The following DAB1 variants were observed in gnomAD, a reference collection of about 807,000 sequenced individuals.
DAB1 encodes the protein disabled homolog 1.
In DAB1, 15 loss-of-function variants were observed where a neutral mutation model predicts 64.6. The ratio of observed to expected loss-of-function variants is 0.23; its 90% CI spans 0.16 to 0.36. DAB1 has a LOEUF of 0.36. DAB1 is among the 10% of genes least tolerant of loss of function. The probability of loss-of-function intolerance (pLI) is 1.00; values close to 1 mark genes in which losing one functional copy is unlikely to be tolerated. For missense variants in DAB1, 596 were observed against 706.7 expected (o/e 0.84, Z 1.78); for synonymous variants, 235 against 251.9 (o/e 0.93, Z 0.64).
intron 3 of DAB1, among the ~76,000 whole-genome samples, chr1:58,424,369 C>G (rs1644801137): frequency 6.6e-6 from 1 of 152,176 alleles, no homozygotes; most frequent in African/African-American, 2.4e-5. Flanking sequence ...CATAAACACA[C>G]CCATAAACAC....
intron 4 of DAB1, among the ~76,000 whole-genome samples, chr1:58,161,020 T>C (rs1381037590): frequency 6.6e-6 from 1 of 152,150 alleles, no homozygotes; most frequent in Non-Finnish European, 1.5e-5. Flanking sequence ...TGATGCAACG[T>C]AAGGAATACA....
intron 2 of DAB1, among the ~76,000 whole-genome samples, chr1:57,228,001 T>A (rs1667400446): frequency 6.6e-6 from 1 of 152,190 alleles, no homozygotes; most frequent in Admixed American, 6.5e-5. Context: ...CCGTGTAACC[T>A]GAAATAGATG....
intron 6 of DAB1, among the ~76,000 whole-genome samples, chr1:57,801,129 T>C (rs757689689): frequency 6.6e-6 from 1 of 152,256 alleles, no homozygotes; most frequent in Non-Finnish European, 1.5e-5. Flanking sequence ...TTCTTATTTG[T>C]GTCTGAATAT....
At chr1:57,121,975 C>T (rs1470363394) in intron 4 of DAB1, among the ~76,000 whole-genome samples, 1 of 152,218 alleles carries the variant, frequency 6.6e-6, no homozygotes, top group East Asian at 1.9e-4. Flanking sequence ...ATTTTCATAG[C>T]CCCTCCGATA....
intron 1 of DAB1, among the ~76,000 whole-genome samples, chr1:57,338,912 T>C (rs1677320139): frequency 1.3e-5 from 2 of 152,154 alleles, no homozygotes; most frequent in Non-Finnish European, 2.9e-5. Context: ...GTGCTAAATA[T>C]TTAGAAGCTA....
intron 4 of DAB1, among the ~76,000 whole-genome samples, chr1:58,185,256 G>C (rs1657012002): frequency 6.6e-6 from 1 of 152,178 alleles, no homozygotes; most frequent in Non-Finnish European, 1.5e-5. Flanking sequence ...GGAGAAGGAT[G>C]GGTAAGATGT....
intron 5 of DAB1, among the ~76,000 whole-genome samples, chr1:58,142,243 C>T (rs1406563609): frequency 6.6e-6 from 1 of 152,174 alleles, no homozygotes; most frequent in Non-Finnish European, 1.5e-5. Flanking sequence ...CACTCGGCTG[C>T]CTTGGTCTCT....
intron 6 of DAB1, among the ~76,000 whole-genome samples, chr1:57,691,796 C>T (rs1570742123): frequency 6.6e-6 from 1 of 152,108 alleles, no homozygotes; most frequent in South Asian, 2.1e-4. Context: ...CACGAAGGAA[C>T]TATCACCAAG....
rs998927781 is a variant in DAB1, at chr1:57,385,706, G to A, written c.-137+38224C>T. Among the ~76,000 whole-genome samples the A allele has an allele frequency of 2.0e-5, 3 of 152,150 alleles. No homozygotes were observed. In the East Asian group the frequency reaches 5.8e-4, roughly 29 times the overall value. On this transcript the variant is annotated intron_variant, in intron 1 of 14. Transcript: ENST00000371236. ...ATATAGGCATTAAGGCAAGGATCTA[G>A]GGAGAAAGGGCCTAAAAACTTACTG...
intron 3 of DAB1, among the ~76,000 whole-genome samples, chr1:58,380,812 A>C (rs1644380593): frequency 1.3e-5 from 2 of 152,338 alleles, no homozygotes; most frequent in Admixed American, 1.3e-4. Context: ...AAATTAAAGG[A>C]GCAACTTACT....
intron 4 of DAB1, among the ~76,000 whole-genome samples, chr1:58,198,628 T>G (rs1657824140): frequency 6.6e-6 from 1 of 152,366 alleles, no homozygotes; most frequent in Non-Finnish European, 1.5e-5. Context: ...TAGAATTGAT[T>G]CAGATCTTTG....
chr1:57,158,042 G>T (rs1358465031), intron 2 of DAB1, among the ~76,000 whole-genome samples: 1 of 152,144 alleles, frequency 6.6e-6, no homozygotes, highest in Non-Finnish European at 1.5e-5. Context: ...TACTTCCTGT[G>T]TATAAGCAAG....
At chr1:57,607,603 T>C (rs1645673099) in intron 7 of DAB1, among the ~76,000 whole-genome samples, 1 of 152,210 alleles carries the variant, frequency 6.6e-6, no homozygotes, top group African/African-American at 2.4e-5. Flanking sequence ...GCATTGCTCC[T>C]ACTTTAGGTC....
At chr1:57,760,934 A>G (rs1276106727) in intron 6 of DAB1, among the ~76,000 whole-genome samples, 4 of 152,202 alleles carry the variant, frequency 2.6e-5, no homozygotes, top group African/African-American at 9.7e-5. Flanking sequence ...AGGTGCAGCC[A>G]CCTACAATCT....
intron 7 of DAB1, among the ~76,000 whole-genome samples, chr1:57,467,583 A>G (rs1488808823): frequency 1.3e-5 from 2 of 152,164 alleles, no homozygotes; most frequent in African/African-American, 2.4e-5. Flanking sequence ...TCCCACTTTC[A>G]AATGGACATA....
At chr1:57,673,407 G>A (rs1358862524) in intron 6 of DAB1, among the ~76,000 whole-genome samples, 1 of 151,992 alleles carries the variant, frequency 6.6e-6, no homozygotes, top group Admixed American at 6.6e-5. Context: ...ATACTTCTCT[G>A]CTCCACAAAG....
chr1:58,097,851 A>G (rs1160298041), intron 5 of DAB1, among the ~76,000 whole-genome samples: 1 of 152,078 alleles, frequency 6.6e-6, no homozygotes, highest in Non-Finnish European at 1.5e-5. Flanking sequence ...AAATAGAAAA[A>G]CAGCTTGAAA....
At chr1:58,011,478 G>T (rs1188007) in intron 5 of DAB1, among the ~76,000 whole-genome samples, 1 of 151,938 alleles carries the variant, frequency 6.6e-6, no homozygotes, top group South Asian at 2.1e-4. Flanking sequence ...TGGTTGAGTA[G>T]TTTGTCTAAG....
intron 6 of DAB1, among the ~76,000 whole-genome samples, chr1:57,749,830 A>G (rs934056634): frequency 1.3e-5 from 2 of 152,166 alleles, no homozygotes; most frequent in African/African-American, 4.8e-5. Context: ...TACAACCAAA[A>G]AACATTATCC....
Sources: gnomAD v4.1 joint callset for allele counts (sites outside exome capture counted in the v4.1 genomes callset) on GRCh38, gnomAD v4.1.1 for gene constraint, MANE v1.5 for transcripts, NCBI Gene and HGNC (gene_info 2026-07-23, HGNC 2026-07-21) for gene names.